Variants in OSMR observed in about 807,000 individuals in gnomAD.
OSMR encodes the protein oncostatin-M-specific receptor subunit beta.
Under a neutral mutation model 99.9 loss-of-function variants are expected in OSMR, and 81 were observed. That is an observed-to-expected ratio of 0.81 (90% confidence interval 0.68 to 0.97). The LOEUF is 0.97. Ranked by LOEUF, OSMR falls within the 50% of genes least tolerant of loss-of-function variation. The probability of loss-of-function intolerance (pLI) is 0.00; values close to 1 mark genes in which losing one functional copy is unlikely to be tolerated. For synonymous variants in OSMR, 406 were observed against 410.4 expected (o/e 0.99, Z 0.13); for missense variants, 1,099 against 1,153.4 (o/e 0.95, Z 0.68).
downstream of OSMR, among the ~76,000 whole-genome samples, chr5:38,937,715 T>G (rs1012440601): frequency 6.6e-5 from 10 of 152,224 alleles, no homozygotes; most frequent in African/African-American, 2.4e-4. The surrounding 1 kb of genome is among the most constrained non-coding windows in gnomAD (Gnocchi z 4.0). Flanking sequence ...CTTTAGATAT[T>G]TAAAAAACTA....
chr5:38,923,278 C>T (rs773268575), intron 13 of OSMR, 24 bp downstream of exon 13: 4 of 1,362,990 alleles, frequency 2.9e-6, no homozygotes, highest in South Asian at 2.3e-5. Context: ...ATGTAATGTG[C>T]CCCATGTGCA....
chr5:38,940,481 A>G (rs910867605), downstream of OSMR: 22 of 232,828 alleles, frequency 9.4e-5, no homozygotes, highest in Non-Finnish European at 1.6e-4. Flanking sequence ...ACCAAAGACC[A>G]CGATGACAGG....
At chr5:38,868,946 G>A (rs1742157406) in intron 1 of OSMR, 86 bp from the exon 2 acceptor site, 1 of 1,516,984 alleles carries the variant, frequency 6.6e-7, no homozygotes, top group Non-Finnish European at 8.9e-7. Flanking sequence ...AGCCTTTATT[G>A]CCTCATCTAC....
chr5:38,918,654 C>T, intron 10 of OSMR, 186 bp from the exon 11 acceptor site: 1 of 776,442 alleles, frequency 1.3e-6, no homozygotes, highest in Non-Finnish European at 1.6e-6. Context: ...CTCTACTCAC[C>T]TTCAGTTAGA....
At chr5:38,905,424 G>T (rs377060676) in intron 9 of OSMR, among the ~76,000 whole-genome samples, 26 of 152,102 alleles carry the variant, frequency 1.7e-4, no homozygotes, top group East Asian at 1.6e-3. Context: ...GGAGGTGGAG[G>T]TTGCAGTGAG....
Position 38,890,600 on chromosome 5 carries a change from CT to C in OSMR, c.991+4411del, listed in dbSNP as rs200841147. Among the ~76,000 whole-genome samples the C allele has an allele frequency of 9.3e-3, 1,326 of 141,820 alleles. 129 individuals carry two copies. In the East Asian group the frequency reaches 0.23, roughly 25 times the overall value. The allele number at this position is 141,820 out of a possible 152,430, so 93.0% of individuals were successfully genotyped here. A position where few individuals can be genotyped will look rare whatever the true frequency, so the allele number is the denominator to read the frequency against. ...AGAGCTGTTGTAATTTGAAAGCCCC[CT>C]CTTTTTTTTTTTTTTGTCTTATCTT... is the stretch of plus-strand genomic sequence containing the variant. On this transcript the variant is annotated intron_variant, in intron 7 of 17. Coordinates refer to ENST00000274276, the MANE Select transcript of OSMR (RefSeq NM_003999.3).
downstream of OSMR, chr5:38,938,768 A>C (rs1423108868): frequency 4.3e-6 from 1 of 232,928 alleles, no homozygotes; most frequent in Non-Finnish European, 8.5e-6. Flanking sequence ...TGAGATTCTC[A>C]CTGTAATGAC....
chr5:38,898,712 G>A (rs944547692), intron 7 of OSMR, among the ~76,000 whole-genome samples: 3 of 151,810 alleles, frequency 2.0e-5, no homozygotes, highest in Non-Finnish European at 4.4e-5. Flanking sequence ...TTTAGTGCAG[G>A]TGATTTTTCT....
chr5:38,931,988 T>G, intron 16 of OSMR, 24 bp downstream of exon 16: 4 of 1,553,096 alleles, frequency 2.6e-6, no homozygotes, highest in Middle Eastern at 3.4e-4. Context: ...GAAGGTTTTA[T>G]CCAAGAAGAG....
At chr5:38,937,937 C>G (rs1747146163), downstream of OSMR, 1 of 181,668 alleles carries the variant, frequency 5.5e-6, no homozygotes, top group South Asian at 2.0e-4. The surrounding 1 kb of genome is among the most constrained non-coding windows in gnomAD (Gnocchi z 4.0). Flanking sequence ...ATTTTAAGTA[C>G]ATTTTATTAA....
At chr5:38,864,087 C>T (rs1219623495) in intron 1 of OSMR, among the ~76,000 whole-genome samples, 1 of 152,124 alleles carries the variant, frequency 6.6e-6, no homozygotes, top group Non-Finnish European at 1.5e-5. Context: ...GTAGTTGGGT[C>T]ATTTTTAAAA....
At chr5:38,862,549 C>G (rs553275795) in intron 1 of OSMR, among the ~76,000 whole-genome samples, 1 of 150,194 alleles carries the variant, frequency 6.7e-6, no homozygotes, top group Non-Finnish European at 1.5e-5. Context: ...CAGAGGGTCT[C>G]CTCACTTCTC....
Position 38,884,033 on chromosome 5 carries a change from A to G in OSMR, c.625A>G (p.Lys209Glu). The change falls in exon 5 of 18, where the codon AAA becomes GAA. Residue 209 changes from lysine (K) to glutamate (E), a missense_variant. Physicochemically the swap from Lys to Glu is moderately conservative, Grantham distance 56 (BLOSUM62 1). Transcript: ENST00000274276. ...GAATAGTGTGCCTTTCATTAGGAAT[A>G]AAGGGACAAATATCTATTGTGAGGC... ...NLNSVPFIRN[K>E]GTNIYCEASQ... is the part of the protein sequence containing the mutation. 9.9e-6 allele frequency: 16 copies of G among 1,613,930 alleles called. No individual in the cohort carries two copies. The highest frequency in any genetic ancestry group is 1.4e-5 in the Non-Finnish European group (16 of 1,179,772).
intron 1 of OSMR, among the ~76,000 whole-genome samples, chr5:38,854,418 T>A (rs76881637): frequency 6.6e-6 from 1 of 152,184 alleles, no homozygotes; most frequent in Non-Finnish European, 1.5e-5. Flanking sequence ...ATGTGATATT[T>A]TTCTGAGGGA....
In OSMR at chr5:38,924,524, A is replaced by G. The variant is rs758010330; in HGVS notation, c.1973A>G (p.Gln658Arg). Residue 658 changes from glutamine to arginine, a missense_variant, in exon 14 of 18, where the codon CAA (glutamine) becomes CGA (arginine). Gln to Arg is a conservative substitution (Grantham distance 43). Coordinates refer to ENST00000274276, the MANE Select transcript of OSMR (RefSeq NM_003999.3). ...YSTESQPGFIQGYHVYLKSKA... is the reference protein window; with the variant it reads ...YSTESQPGFIRGYHVYLKSKA... The stretch of plus-strand genomic sequence containing the variant: ...ACTGAATCTCAACCTGGTTTTATAC[A>G]AGGGTACCATGTCTATCTGAAATCC... 1.2e-6 allele frequency: 2 copies of G among 1,614,190 alleles called. No individual in the cohort carries two copies. Among genetic ancestry groups the G allele is most frequent in the Admixed American group, 3.3e-5 (2 of 60,036 alleles).
At chr5:38,937,882 C>G (rs1335703010), downstream of OSMR, 2 of 175,706 alleles carry the variant, frequency 1.1e-5, no homozygotes, top group African/African-American at 2.4e-5. This position sits in a 1 kb window ranked among gnomAD's most constrained non-coding sequence, Gnocchi z 4.0. Flanking sequence ...CATATGACCA[C>G]TGATTATTTT....
chr5:38,860,217 C>T (rs545144198), intron 1 of OSMR, among the ~76,000 whole-genome samples: 30 of 152,172 alleles, frequency 2.0e-4, no homozygotes, highest in African/African-American at 7.2e-4. Context: ...CATATGTGGC[C>T]TTTATTATGT....
chr5:38,907,984 C>T (rs1205223382), intron 9 of OSMR, among the ~76,000 whole-genome samples: 3 of 152,012 alleles, frequency 2.0e-5, no homozygotes, highest in Non-Finnish European at 2.9e-5. Flanking sequence ...CACCAGCAGC[C>T]CCACCCCCAC....
chr5:38,853,965 T>C lies in OSMR; in HGVS notation c.-14+7578T>C, dbSNP rs141065208. On this transcript the variant is annotated intron_variant, in intron 1 of 17. Transcript: ENST00000274276. ...GGAGGAAGGGAATTGGAGTGAACACTTGTAAGTAATCAACCCTATGCTGTA... is the reference window on the plus strand; with the variant it reads ...GGAGGAAGGGAATTGGAGTGAACACCTGTAAGTAATCAACCCTATGCTGTA... 2.6e-5 allele frequency among the ~76,000 whole-genome samples: 4 copies of C among 151,962 alleles called. No homozygotes were observed. The East Asian group carries it at 7.8e-4, about 29-fold the overall frequency.
Sources: allele counts gnomAD v4.1 joint callset (sites outside exome capture counted in the v4.1 genomes callset), GRCh38; gene constraint gnomAD v4.1.1; non-coding constraint Gnocchi (gnomAD v3.1); transcripts MANE v1.5; gene names NCBI Gene and HGNC (gene_info 2026-07-23, HGNC 2026-07-21).